HSPA14: variants seen among roughly 807,000 people sequenced by gnomAD.
HSPA14 encodes the protein heat shock 70 kDa protein 14.
HSPA14 carries 37 observed loss-of-function variants against 65.5 expected under a neutral mutation model. That is an observed-to-expected ratio of 0.56 (90% CI 0.43 to 0.74). The LOEUF is 0.74. Among genes scored for constraint, HSPA14 ranks in the 30% least tolerant of loss-of-function variants. The pLI, the probability that HSPA14 is intolerant of heterozygous loss-of-function variation, is 0.00. For missense variants in HSPA14, 564 were observed against 607.6 expected (o/e 0.93, Z 0.75); for synonymous variants, 203 against 214.2 (o/e 0.95, Z 0.46).
chr10:14,871,493 C>G, intron 13 of HSPA14, 35 bp from the exon 14 acceptor site: 1 of 1,194,332 alleles, frequency 8.4e-7, no homozygotes, highest in Non-Finnish European at 1.2e-6. Flanking sequence ...ATAAAATGAG[C>G]TTGTGCAATG....
intron 4 of HSPA14, 52 bp from the exon 5 acceptor site, chr10:14,848,738 T>G: frequency 2.1e-6 from 3 of 1,445,508 alleles, no homozygotes; most frequent in Non-Finnish European, 2.9e-6. Context: ...TTTGAAACTT[T>G]GCATTTTTAT....
chr10:14,867,357 A>T (rs991643175), intron 11 of HSPA14, 62 bp downstream of exon 11: 52 of 1,163,100 alleles, frequency 4.5e-5, no homozygotes, highest in Non-Finnish European at 5.9e-5. Flanking sequence ...TTACATAAAA[A>T]TAGTAAATTA....
chr10:14,861,295 T>G (rs1198480201), intron 10 of HSPA14, among the ~76,000 whole-genome samples: 1 of 152,152 alleles, frequency 6.6e-6, no homozygotes, highest in Non-Finnish European at 1.5e-5. Flanking sequence ...ATGTGTCCCT[T>G]TTGTTTGAGA....
intron 9 of HSPA14, 61 bp downstream of exon 9, chr10:14,854,341 A>C: frequency 7.3e-7 from 1 of 1,370,196 alleles, no homozygotes; most frequent in Non-Finnish European, 1.0e-6. Context: ...GTTTAGGTAT[A>C]ATTTTCTTAC....
At chr10:14,843,374 G>A in intron 3 of HSPA14, 1 of 1,550,816 alleles carries the variant, frequency 6.4e-7, no homozygotes. Context: ...TTTTCAGGGT[G>A]CTCTCAAGGG....
rs957096730 is a variant in HSPA14, at chr10:14,838,646, AGTC to A, written c.57+191_57+193del. 3 of 571,710 alleles carry A rather than the reference AGTC, an allele frequency of 5.2e-6. No individual in the cohort carries two copies. In the African/African-American group the frequency reaches 5.9e-5, roughly 11 times the overall value. The allele number at this position is 571,710 out of a possible 1,614,324, so 35.4% of individuals were successfully genotyped here. A position where few individuals can be genotyped will look rare whatever the true frequency, so the allele number is the denominator to read the frequency against. On this transcript the variant is annotated intron_variant, in intron 1 of 13. Coordinates refer to ENST00000378372, the MANE Select transcript of HSPA14 (RefSeq NM_016299.4). The stretch of plus-strand genomic sequence containing the variant: ...CTCGCGCCTGGCGATTCCTCCGGAA[AGTC>A]GTCTACTCCGCGGCGGAGGCTCGCG...
rs923764719 is a variant in HSPA14 at position 14,855,980 on chromosome 10, T to C, written c.993+37T>C. Reference sequence around the variant, plus strand: ...ACATTTTTCTTAACTATTTTAGGTGTAGTTTCAGACTTGGAATTTAGGAAA... The same window carrying C: ...ACATTTTTCTTAACTATTTTAGGTGCAGTTTCAGACTTGGAATTTAGGAAA... On this transcript the variant is annotated intron_variant, in intron 10 of 13. Coordinates refer to ENST00000378372, the MANE Select transcript of HSPA14 (RefSeq NM_016299.4). 3 of 1,169,510 alleles carry C rather than the reference T, an allele frequency of 2.6e-6. No homozygotes were observed. In the South Asian group the frequency reaches 3.7e-5, roughly 15 times the overall value. 72.4% of individuals were successfully genotyped at this position (1,169,510 alleles called of 1,614,324 possible). A position where few individuals can be genotyped will look rare whatever the true frequency, so the allele number is the denominator to read the frequency against.
intron 10 of HSPA14, among the ~76,000 whole-genome samples, chr10:14,859,184 G>A (rs925928974): frequency 4.7e-4 from 72 of 152,196 alleles, no homozygotes; most frequent in African/African-American, 1.7e-3. Flanking sequence ...ACTATGTGTT[G>A]ACGACCTCCC....
Position 14,845,125 on chromosome 10 carries a change from CCAGA to C in HSPA14, c.222-3481_222-3478del, listed in dbSNP as rs1834032540. Reference sequence around the variant, plus strand: ...TGAACAGATGAGCCTCCTCCACACCCCAGACACACACTGGGGAGAGATGAAGGTG... The same window carrying C: ...TGAACAGATGAGCCTCCTCCACACCCCACACACTGGGGAGAGATGAAGGTG... On this transcript the variant is annotated intron_variant, in intron 3 of 13. Transcript: ENST00000378372. 16 of 985,284 alleles carry C rather than the reference CCAGA, an allele frequency of 1.6e-5. No homozygotes were observed. In the South Asian group the frequency reaches 6.6e-4, roughly 41 times the overall value. 61.0% of individuals were successfully genotyped at this position (985,284 alleles called of 1,614,324 possible).
At chr10:14,848,552 A>G in intron 3 of HSPA14, 57 bp from the exon 4 acceptor site, 2 of 1,280,460 alleles carry the variant, frequency 1.6e-6, no homozygotes, top group Non-Finnish European at 1.1e-6. Flanking sequence ...TCTAAACTTT[A>G]TATATCTACA....
intron 10 of HSPA14, 25 bp from the exon 11 acceptor site, chr10:14,867,058 A>C (rs1832812555): frequency 6.5e-7 from 1 of 1,540,278 alleles, no homozygotes; most frequent in Non-Finnish European, 9.0e-7. Flanking sequence ...AAAGTAAACA[A>C]CTGAAAATTA....
intron 10 of HSPA14, among the ~76,000 whole-genome samples, chr10:14,858,893 A>G (rs915575029): frequency 4.6e-5 from 7 of 152,172 alleles, no homozygotes; most frequent in African/African-American, 1.7e-4. Context: ...TGATGAGGCA[A>G]GGACCAGAAC....
intron 10 of HSPA14, among the ~76,000 whole-genome samples, chr10:14,861,492 G>A (rs541088738): frequency 2.0e-3 from 299 of 152,046 alleles, no homozygotes; most frequent in Non-Finnish European, 3.7e-3. Context: ...TGTATTTTTT[G>A]TAGAGATGGG....
At chr10:14,853,508 C>T (rs1037713705) in intron 8 of HSPA14, among the ~76,000 whole-genome samples, 2 of 152,150 alleles carry the variant, frequency 1.3e-5, no homozygotes, top group Non-Finnish European at 2.9e-5. Context: ...GATATCTACT[C>T]TACTTTCTTC....
rs1404692449 is a variant in HSPA14 at position 14,864,269 on chromosome 10, G to GT, written c.994-2814_994-2813insT. 5.0e-3 allele frequency among the ~76,000 whole-genome samples: 695 copies of GT among 140,392 alleles called. 1 individual carries two copies. Among genetic ancestry groups the GT allele is most frequent in the Non-Finnish European group, 7.8e-3 (508 of 65,096 alleles). 92.1% of individuals were successfully genotyped at this position (140,392 alleles called of 152,430 possible). A position where few individuals can be genotyped will look rare whatever the true frequency, so the allele number is the denominator to read the frequency against. On this transcript the variant is annotated intron_variant, in intron 10 of 13. Transcript: ENST00000378372. ...AAAAAAGTCAATATTTTCCAAGGTT[G>GT]GTTTTTTTTTTTTGGTTTTCTTTGT...
intron 8 of HSPA14, among the ~76,000 whole-genome samples, chr10:14,853,143 G>C (rs1178424216): frequency 6.6e-6 from 1 of 151,230 alleles, no homozygotes; most frequent in African/African-American, 2.4e-5. Flanking sequence ...AACCTAATTG[G>C]TTGAAGAAGT....
At chr10:14,849,625 T>G in intron 5 of HSPA14, 96 bp from the exon 6 acceptor site, 1 of 1,000,028 alleles carries the variant, frequency 1.0e-6, no homozygotes, top group Non-Finnish European at 1.5e-6. Context: ...TTGGGAAATA[T>G]GTTAAGTGAG....
chr10:14,846,257 AAC>A (rs1238173917), intron 3 of HSPA14: 7 of 985,248 alleles, frequency 7.1e-6, no homozygotes, highest in Admixed American at 6.2e-5. Flanking sequence ...ATTTTCTGGA[AAC>A]ACAGAAGTAC....
chr10:14,838,765 G>C (rs1439722041), intron 1 of HSPA14, among the ~76,000 whole-genome samples: 1 of 152,120 alleles, frequency 6.6e-6, no homozygotes, highest in Non-Finnish European at 1.5e-5. Flanking sequence ...TGCCCGGGGG[G>C]GTCCCGGAGA....
Sources: gnomAD v4.1 joint callset for allele counts (sites outside exome capture counted in the v4.1 genomes callset) on GRCh38, gnomAD v4.1.1 for gene constraint, MANE v1.5 for transcripts, NCBI Gene and HGNC (gene_info 2026-07-23, HGNC 2026-07-21) for gene names.